The following PCDHGA1 variants were observed in gnomAD, a reference collection of about 807,000 sequenced individuals.
The protein encoded by PCDHGA1 is protocadherin gamma subfamily A, 1, also known as protocadherin gamma-A1.
A neutral mutation model predicts 58.0 loss-of-function variants in PCDHGA1; 32 were observed. The observed-to-expected ratio is 0.55, with a 90% confidence interval of 0.42 to 0.74. The LOEUF is 0.74. Ranked by LOEUF, PCDHGA1 falls within the 30% of genes least tolerant of loss-of-function variation. The pLI, the probability that PCDHGA1 is intolerant of heterozygous loss-of-function variation, is 0.00. For synonymous variants in PCDHGA1, 498 were observed against 501.1 expected, an observed-to-expected ratio of 0.99 and a Z score of 0.08; for missense variants, 1,205 against 1,182.3, an observed-to-expected ratio of 1.02 and a Z score of -0.28.
Position 141,423,758 on chromosome 5 carries a change from GGGT to G in PCDHGA1, c.2422-71046_2422-71044del, listed in dbSNP as rs776356896. The G allele has an allele frequency of 7.0e-4, 256 of 366,834 alleles. 2 individuals are homozygous for G. The highest frequency in any genetic ancestry group is 6.8e-3 in the African/African-American group (232 of 34,230). The allele number at this position is 366,834 out of a possible 1,614,324, so 22.7% of individuals were successfully genotyped here. A position where few individuals can be genotyped will look rare whatever the true frequency, so the allele number is the denominator to read the frequency against. ...CTGTTATGAAAACTGTTTGGGGGGG[GGGT>G]GGGGCGGCATATATTTAGTTCATAT... On this transcript the variant is annotated intron_variant, in intron 1 of 3. Coordinates refer to ENST00000517417, the MANE Select transcript of PCDHGA1 (RefSeq NM_018912.3).
rs1182052358 is a variant in PCDHGA1 at position 141,331,210 on chromosome 5, C to T, written c.526C>T (p.Pro176Ser). 6.2e-7 allele frequency: 1 copy of T among 1,613,962 alleles called. No individual in the cohort carries two copies. Among genetic ancestry groups the T allele is most frequent in the African/African-American group, 1.3e-5 (1 of 74,894 alleles). Reference sequence around the variant, plus strand: ...CCAGAGCTACCAACTCAGCTCTAACCCTCATTTCTCCCTGGATGTGCAACA... The same window carrying T: ...CCAGAGCTACCAACTCAGCTCTAACTCTCATTTCTCCCTGGATGTGCAACA... ...SLQSYQLSSNPHFSLDVQQGA... is the reference protein window; with the variant it reads ...SLQSYQLSSNSHFSLDVQQGA... Residue 176 changes from proline to serine, a missense_variant, in exon 1 of 4, where the codon CCT becomes TCT. Pro to Ser is a moderately conservative substitution (Grantham distance 74). Transcript: ENST00000517417.
chr5:141,398,781 A>G, intron 1 of PCDHGA1: 1 of 1,613,934 alleles, frequency 6.2e-7, no homozygotes, highest in South Asian at 1.1e-5. Flanking sequence ...TGGACGGTGG[A>G]CATCCACCCC....
chr5:141,478,102 C>T, intron 1 of PCDHGA1: 1 of 1,614,126 alleles, frequency 6.2e-7, no homozygotes, highest in South Asian at 1.1e-5. Flanking sequence ...CTGCTACCCT[C>T]ACTGTGTCAG....
At chr5:141,457,560 G>A (rs1466753974) in intron 1 of PCDHGA1, among the ~76,000 whole-genome samples, 1 of 152,162 alleles carries the variant, frequency 6.6e-6, no homozygotes, top group African/African-American at 2.4e-5. Flanking sequence ...ATAAGCTTTG[G>A]AGCAAAATTT....
intron 1 of PCDHGA1, chr5:141,371,186 G>A (rs779475479): frequency 1.9e-6 from 3 of 1,614,028 alleles, no homozygotes; most frequent in Non-Finnish European, 8.5e-7. Flanking sequence ...TATTAAAAGT[G>A]ATGGCCATTG....
chr5:141,501,290 T>TACACATAC (rs1224133816), intron 2 of PCDHGA1, among the ~76,000 whole-genome samples: 1,510 of 136,196 alleles, frequency 0.011, 8 homozygotes, highest in Admixed American at 0.014. Flanking sequence ...TATTCCCTTA[T>TACACATAC]ACACACACAC....
chr5:141,395,542 T>TTGTTTGTGTGTGTG (rs1267535064), intron 1 of PCDHGA1: 1 of 168,708 alleles, frequency 5.9e-6, no homozygotes, highest in African/African-American at 5.7e-5. Flanking sequence ...TTGCTATTGT[T>TTGTTTGTGTGTGTG]TGTGTGTGTG....
chr5:141,395,538 TTGTTTG>T (rs1338769311), intron 1 of PCDHGA1: 4 of 225,774 alleles, frequency 1.8e-5, no homozygotes, highest in African/African-American at 1.7e-4. Flanking sequence ...AATTTTGCTA[TTGTTTG>T]TGTGTGTGTG....
chr5:141,389,010 C>T (rs141101630), intron 1 of PCDHGA1: 2 of 1,613,862 alleles, frequency 1.2e-6, no homozygotes, highest in African/African-American at 2.7e-5. Flanking sequence ...GGATTCCAGA[C>T]ACAATGGAGA....
At chr5:141,379,494 T>C (rs1469467454) in intron 1 of PCDHGA1, 2 of 152,242 alleles carry the variant, frequency 1.3e-5, no homozygotes, top group Non-Finnish European at 2.9e-5. Context: ...ATACTACCAA[T>C]TTGGGATGTT....
chr5:141,405,238 C>T, intron 1 of PCDHGA1: 1 of 1,614,168 alleles, frequency 6.2e-7, no homozygotes, highest in African/African-American at 1.3e-5. Flanking sequence ...TCACCGCTGA[C>T]TCAAGGAAGA....
intron 1 of PCDHGA1, chr5:141,374,063 G>A (rs1770069063): frequency 6.7e-7 from 1 of 1,495,954 alleles, no homozygotes; most frequent in South Asian, 1.4e-5. Context: ...TAATCCCAGA[G>A]AAGTTCCTAA....
intron 1 of PCDHGA1, chr5:141,374,306 TTC>T (rs1561562207): frequency 6.2e-7 from 1 of 1,613,958 alleles, no homozygotes. Context: ...GATGCAGCTT[TTC>T]TCTCTGAATC....
At chr5:141,398,500 G>A (rs1366423528) in intron 1 of PCDHGA1, 1 of 1,607,950 alleles carries the variant, frequency 6.2e-7, no homozygotes, top group African/African-American at 1.4e-5. Context: ...GGAGATCGAG[G>A]ACATTAATGA....
chr5:141,400,054 C>T, intron 1 of PCDHGA1: 2 of 1,613,622 alleles, frequency 1.2e-6, no homozygotes, highest in Non-Finnish European at 1.7e-6. Flanking sequence ...GGTTGCTGTG[C>T]GTGATGGTGG....
chr5:141,391,493 G>A (rs949161885), intron 1 of PCDHGA1: 1 of 151,954 alleles, frequency 6.6e-6, no homozygotes, highest in Non-Finnish European at 1.5e-5. Context: ...TCTGTTTTCA[G>A]TAGAGAAAAT....
chr5:141,399,603 A>G, intron 1 of PCDHGA1: 1 of 1,613,950 alleles, frequency 6.2e-7, no homozygotes, highest in Non-Finnish European at 8.5e-7. Flanking sequence ...CCAGCGACCT[A>G]GAGCCTCTGG....
chr5:141,489,971 C>A lies in PCDHGA1; in HGVS notation c.2422-4836C>A, dbSNP rs1254025468. 1 of 1,614,060 alleles carries A rather than the reference C, an allele frequency of 6.2e-7. No homozygotes were observed. The highest frequency in any genetic ancestry group is 1.3e-5 in the African/African-American group (1 of 74,944). Reference sequence around the variant, plus strand: ...AATGATAATGCTCCAACCTTCCAATCCTCAGTTCTACGTGTGGGAATCCCA... The same window carrying A: ...AATGATAATGCTCCAACCTTCCAATACTCAGTTCTACGTGTGGGAATCCCA... On this transcript the variant is annotated intron_variant, in intron 1 of 3. Transcript: ENST00000517417. The surrounding 1 kb of genome is among the most constrained non-coding windows in gnomAD (Gnocchi z 4.5).
At chr5:141,383,956 A>G (rs1279675225) in intron 1 of PCDHGA1, 3 of 1,613,670 alleles carry the variant, frequency 1.9e-6, no homozygotes, top group Non-Finnish European at 2.5e-6. Context: ...GACGTCTTTA[A>G]GTAGCTCAAT....
Sources: allele counts gnomAD v4.1 joint callset (sites outside exome capture counted in the v4.1 genomes callset), GRCh38; gene constraint gnomAD v4.1.1; non-coding constraint Gnocchi (gnomAD v3.1); transcripts MANE v1.5; gene names NCBI Gene and HGNC (gene_info 2026-07-23, HGNC 2026-07-21).